NT5C1A: variants seen among roughly 807,000 people sequenced by gnomAD.
NT5C1A encodes 5'-nucleotidase, cytosolic IA.
Under a neutral mutation model 31.0 loss-of-function variants are expected in NT5C1A, and 18 were observed. That is an observed-to-expected ratio of 0.58 (90% confidence interval 0.40 to 0.86). The LOEUF is 0.86. Among genes scored for constraint, NT5C1A ranks in the 40% least tolerant of loss-of-function variants. The pLI is 0.00. For synonymous variants in NT5C1A, 185 were observed against 203.6 expected (o/e 0.91, Z 0.78); for missense variants, 470 against 505.4 (o/e 0.93, Z 0.67).
At chr1:39,660,316 T>A (rs784611) in intron 5 of NT5C1A, among the ~76,000 whole-genome samples, 124,952 of 152,128 alleles carry the variant, frequency 0.82, 51,848 homozygotes, top group African/African-American at 0.95. Context: ...ATTATTGAGC[T>A]CCCGGGTTTT....
intron 4 of NT5C1A, 136 bp downstream of exon 4, chr1:39,663,176 G>A: frequency 2.1e-6 from 2 of 932,846 alleles, no homozygotes; most frequent in Non-Finnish European, 1.7e-6. Context: ...TAAGAATTAA[G>A]GAAAGTATTG....
rs1302406156 is a variant in NT5C1A at position 39,653,119 on chromosome 1, T to TA, written c.*6001dup. Among the ~76,000 whole-genome samples, 1 of 151,952 alleles carries TA rather than the reference T, an allele frequency of 6.6e-6. No homozygotes were observed. Among genetic ancestry groups the TA allele is most frequent in the Admixed American group, 6.6e-5 (1 of 15,242 alleles). Reference sequence around the variant, plus strand: ...AAACAAATGGAGATGATGAGGCAGGTATAGTCAAAAGGATTGCCCTTACAC... The same window carrying TA: ...AAACAAATGGAGATGATGAGGCAGGTAATAGTCAAAAGGATTGCCCTTACAC... On this transcript the variant is annotated 3_prime_UTR_variant, in exon 6 of 6. Coordinates refer to ENST00000235628, the MANE Select transcript of NT5C1A (RefSeq NM_032526.3).
chr1:39,668,603 C>T (rs544577538), intron 1 of NT5C1A, among the ~76,000 whole-genome samples: 14 of 152,310 alleles, frequency 9.2e-5, no homozygotes, highest in African/African-American at 3.1e-4. Flanking sequence ...GGCCTCTAGC[C>T]TGGCCTCTAT....
intron 1 of NT5C1A, among the ~76,000 whole-genome samples, chr1:39,670,112 T>C (rs1158164369): frequency 6.6e-6 from 1 of 151,744 alleles, no homozygotes; most frequent in Non-Finnish European, 1.5e-5. Flanking sequence ...GCATTACATT[T>C]ATTTATTTAT....
chr1:39,659,542 C>T, intron 5 of NT5C1A, 56 bp from the exon 6 acceptor site: 1 of 1,512,386 alleles, frequency 6.6e-7, no homozygotes, highest in Non-Finnish European at 8.8e-7. Context: ...ATATTTGCCC[C>T]CTGCTCTCCC....
chr1:39,668,497 G>A (rs1557747446), intron 1 of NT5C1A, among the ~76,000 whole-genome samples: 2 of 152,176 alleles, frequency 1.3e-5, no homozygotes, highest in Non-Finnish European at 2.9e-5. Flanking sequence ...GGCCCCAAGA[G>A]TCCTCTGCTT....
rs1016819486 is a variant in NT5C1A, at chr1:39,656,107, A to T, written c.*3014T>A. On this transcript the variant is annotated 3_prime_UTR_variant, in exon 6 of 6. Transcript: ENST00000235628. ...CATTTTTCTGCTAAGCAGCAGTCCC[A>T]TTGGCTCTGGGATTTTGCTGGCAGG... Among the ~76,000 whole-genome samples the T allele has an allele frequency of 6.6e-6, 1 of 152,098 alleles. No homozygotes were observed. Among genetic ancestry groups the T allele is most frequent in the Non-Finnish European group, 1.5e-5 (1 of 68,022 alleles).
rs1388240114 is a variant in NT5C1A at position 39,657,394 on chromosome 1, A to C, written c.*1727T>G. 1.3e-5 allele frequency among the ~76,000 whole-genome samples: 2 copies of C among 151,952 alleles called. No homozygotes were observed. The highest frequency in any genetic ancestry group is 2.9e-5 in the Non-Finnish European group (2 of 68,012). On this transcript the variant is annotated 3_prime_UTR_variant, in exon 6 of 6. Transcript: ENST00000235628. ...GTCCCCAGAAGGACAAAGATCAAAA[A>C]CCCCAGGGTGTTCTCTTCCCCTATT...
In NT5C1A at chr1:39,659,214, C is replaced by T; in HGVS notation, c.1014G>A (p.Gln338=). The change falls in exon 6 of 6, where the codon CAG becomes CAA. Residue 338 remains glutamine, a synonymous_variant. Coordinates refer to ENST00000235628, the MANE Select transcript of NT5C1A (RefSeq NM_032526.3). ...CATGGGCGGCCACAGTGCCCATCTCCTGAGCCCCAGCCACATGGAACATCT... is the reference window on the plus strand; with the variant it reads ...CATGGGCGGCCACAGTGCCCATCTCTTGAGCCCCAGCCACATGGAACATCT... The part of the protein sequence containing the change: ...DDQMFHVAGA[Q]EMGTVAAHVP... 2 of 1,614,114 alleles carry T rather than the reference C, an allele frequency of 1.2e-6. No individual in the cohort carries two copies. The highest frequency in any genetic ancestry group is 1.7e-6 in the Non-Finnish European group (2 of 1,180,044).
chr1:39,655,184 C>T lies in NT5C1A; in HGVS notation c.*3937G>A, dbSNP rs1178343456. Among the ~76,000 whole-genome samples, 6 of 152,222 alleles carry T rather than the reference C, an allele frequency of 3.9e-5. No homozygotes were observed. Among genetic ancestry groups the T allele is most frequent in the African/African-American group, 1.4e-4 (6 of 41,466 alleles). ...CTCGATCTCCTGACCTTGTGATCCA[C>T]CCGCCTTGGCCTCCCAAAGTGCTGG... is the stretch of plus-strand genomic sequence containing the variant. On this transcript the variant is annotated 3_prime_UTR_variant, in exon 6 of 6. Transcript: ENST00000235628.
At chr1:39,661,893 A>G (rs555253211) in intron 4 of NT5C1A, among the ~76,000 whole-genome samples, 8 of 152,296 alleles carry the variant, frequency 5.3e-5, no homozygotes, top group African/African-American at 1.9e-4. Context: ...TACAGCCACA[A>G]TGACACCCAG....
At chr1:39,663,467 A>G (rs769372104) in intron 3 of NT5C1A, 33 bp from the exon 4 acceptor site, 66 of 1,612,464 alleles carry the variant, frequency 4.1e-5, no homozygotes, top group Non-Finnish European at 5.5e-5. Context: ...AGGTGAGGCC[A>G]GGGTCAACCC....
rs1427885286 is a variant in NT5C1A, at chr1:39,653,186, G to A, written c.*5935C>T. 6.6e-6 allele frequency among the ~76,000 whole-genome samples: 1 copy of A among 151,958 alleles called. No homozygotes were observed. The highest frequency in any genetic ancestry group is 1.5e-5 in the Non-Finnish European group (1 of 68,012). On this transcript the variant is annotated 3_prime_UTR_variant, in exon 6 of 6. Transcript: ENST00000235628. ...TTCCCAAGGCTCAGGAGTAGGGGTA[G>A]GAGGCAGAGGGTTAGGAGCCAAGAC...
At position 39,665,544 on chromosome 1, in the gene NT5C1A, A is replaced by T. The variant is rs1477907900; in HGVS notation, c.410T>A (p.Leu137His). ...TNNHAQVGVR[L>H]INSINHYDLF... is the part of the protein sequence containing the mutation. ...ACCATAGTGGTTGATACTGTTGATG[A>T]GGCGGACACCCACTTGAGCATGGTT... The change falls in exon 3 of 6, where the codon CTC becomes CAC. Residue 137 changes from leucine to histidine, a missense_variant. Transcript: ENST00000235628. The T allele has an allele frequency of 1.2e-6, 2 of 1,613,280 alleles. No homozygotes were observed. Among genetic ancestry groups the T allele is most frequent in the Admixed American group, 1.7e-5 (1 of 59,964 alleles).
chr1:39,666,479 T>C (rs1488608239), intron 1 of NT5C1A, among the ~76,000 whole-genome samples: 2 of 152,174 alleles, frequency 1.3e-5, no homozygotes, highest in African/African-American at 4.8e-5. Context: ...GGGAGGGCCA[T>C]GCCCTTGGGA....
At chr1:39,664,980 C>A (rs1646513736) in intron 3 of NT5C1A, among the ~76,000 whole-genome samples, 1 of 152,130 alleles carries the variant, frequency 6.6e-6, no homozygotes, top group South Asian at 2.1e-4. Flanking sequence ...TTATTTCCTG[C>A]CCTCTGAAAG....
intron 3 of NT5C1A, among the ~76,000 whole-genome samples, chr1:39,664,413 T>A (rs902755459): frequency 6.9e-6 from 1 of 144,470 alleles, no homozygotes; most frequent in Non-Finnish European, 1.5e-5. Flanking sequence ...CCCAAAGTGC[T>A]GGGATCACAG....
At chr1:39,671,480 C>T (rs1002753309) in intron 1 of NT5C1A, among the ~76,000 whole-genome samples, 1 of 152,244 alleles carries the variant, frequency 6.6e-6, no homozygotes, top group African/African-American at 2.4e-5. Flanking sequence ...GTCTCAGGTC[C>T]GGAGCCCGAT....
chr1:39,671,784 G>C, intron 1 of NT5C1A, 120 bp downstream of exon 1: 1 of 1,217,878 alleles, frequency 8.2e-7, no homozygotes, highest in Non-Finnish European at 1.2e-6. Context: ...GCGCATTCTG[G>C]GGCTGAGGAG....
Sources: gnomAD v4.1 joint callset for allele counts (sites outside exome capture counted in the v4.1 genomes callset) on GRCh38, gnomAD v4.1.1 for gene constraint, MANE v1.5 for transcripts, NCBI Gene and HGNC (gene_info 2026-07-23, HGNC 2026-07-21) for gene names.